The following PHKA2 variants were observed in gnomAD, a reference collection of about 807,000 sequenced individuals.
PHKA2 encodes phosphorylase kinase regulatory subunit alpha 2.
In PHKA2, 31 loss-of-function variants were observed where a neutral mutation model predicts 102.0. The ratio of observed to expected loss-of-function variants is 0.30; its 90% CI spans 0.23 to 0.41. The LOEUF (loss-of-function observed/expected upper bound fraction) is 0.41. PHKA2 is among the 10% of genes least tolerant of loss of function. The probability of loss-of-function intolerance (pLI) is 1.00; values close to 1 mark genes in which losing one functional copy is unlikely to be tolerated. For missense variants in PHKA2, 858 were observed against 1,023.1 expected (o/e 0.84, Z 2.20); for synonymous variants, 455 against 416.2 (o/e 1.09, Z -1.13).
intron 1 of PHKA2, among the ~76,000 whole-genome samples, chrX:18,960,600 G>A (rs1312946573): frequency 2.7e-5 from 3 of 111,699 alleles, no homozygotes; most frequent in Non-Finnish European, 5.6e-5. Context: ...GGCACCAAGG[G>A]GTGCTAAACC....
chrX:18,984,096 C>A lies in PHKA2; in HGVS notation c.-164G>T. ...TCGAGACTTTTCTAAACGCTAGCCC[C>A]AAAGTCCGGTTGGAAAGCAAGCCAA... is the stretch of plus-strand genomic sequence containing the variant. On this transcript the variant is annotated 5_prime_UTR_variant, in exon 1 of 33. Coordinates refer to ENST00000379942, the MANE Select transcript of PHKA2 (RefSeq NM_000292.3). The A allele has an allele frequency of 2.1e-6, 1 of 482,506 alleles. No homozygotes were observed. The highest frequency in any genetic ancestry group is 2.8e-5 in the South Asian group (1 of 35,115). The allele number at this position is 482,506 out of a possible 1,213,427, so 39.8% of individuals were successfully genotyped here.
intron 12 of PHKA2, among the ~76,000 whole-genome samples, chrX:18,930,363 T>C (rs770567607): frequency 4.0e-4 from 45 of 111,253 alleles, no homozygotes; most frequent in Admixed American, 1.3e-3. Context: ...TCTCTTTGAA[T>C]ATGCACCTCC....
chrX:18,983,743 A>G, intron 1 of PHKA2, 112 bp downstream of exon 1: 1 of 658,815 alleles, frequency 1.5e-6, no homozygotes. Context: ...AGATTCAAAT[A>G]GCAAACTCTT....
At chrX:18,925,580 C>G in intron 15 of PHKA2, 88 bp downstream of exon 15, 1 of 581,602 alleles carries the variant, frequency 1.7e-6, no homozygotes, top group Non-Finnish European at 3.1e-6. Flanking sequence ...CCTATGCATG[C>G]AGAATTCTGT....
Position 18,908,021 on chromosome X carries a change from T to G in PHKA2, c.2396A>C (p.His799Pro). 8.3e-7 allele frequency: 1 copy of G among 1,211,256 alleles called. No individual in the cohort carries two copies. Among genetic ancestry groups the G allele is most frequent in the Non-Finnish European group, 1.1e-6 (1 of 894,998 alleles). ...PSWDTNLSGQ[H>P]GVTVQNLLGE... ...AAGAAGGTTTTGAACGGTGACCCCG[T>G]GCTGTCCAGAGAGATTTGTGTCCCA... The change falls in exon 22 of 33, where the codon CAC becomes CCC. Residue 799 changes from histidine to proline, a missense_variant. Coordinates refer to ENST00000379942, the MANE Select transcript of PHKA2 (RefSeq NM_000292.3).
chrX:18,898,769 T>C (rs1280879818), intron 29 of PHKA2, among the ~76,000 whole-genome samples: 1 of 112,020 alleles, frequency 8.9e-6, no homozygotes, highest in Non-Finnish European at 1.9e-5. Flanking sequence ...TGCGGTGAGC[T>C]CAATCCGAGC....
intron 16 of PHKA2, 114 bp downstream of exon 16, chrX:18,924,267 T>A: frequency 1.0e-6 from 1 of 968,009 alleles, no homozygotes; most frequent in South Asian, 1.9e-5. Flanking sequence ...GAAACCAAAC[T>A]GCTAAGAAGC....
At chrX:18,974,369 C>T (rs1048042973) in intron 1 of PHKA2, among the ~76,000 whole-genome samples, 3 of 111,364 alleles carry the variant, frequency 2.7e-5, no homozygotes, top group Non-Finnish European at 5.6e-5. Context: ...CATAAACTGT[C>T]GGACATGGTC....
intron 30 of PHKA2, among the ~76,000 whole-genome samples, chrX:18,896,921 G>A (rs746921146): frequency 1.8e-5 from 2 of 111,851 alleles, no homozygotes; most frequent in East Asian, 2.8e-4. Context: ...GTTGTCACAC[G>A]GGGGTGGGGT....
At chrX:18,972,543 T>G (rs941551477) in intron 1 of PHKA2, among the ~76,000 whole-genome samples, 2 of 112,329 alleles carry the variant, frequency 1.8e-5, no homozygotes, top group Non-Finnish European at 3.8e-5. Flanking sequence ...TCCTCATATT[T>G]GTCTTCTTTT....
intron 19 of PHKA2, among the ~76,000 whole-genome samples, chrX:18,912,599 C>T (rs1601719247): frequency 9.7e-6 from 1 of 102,937 alleles, no homozygotes; most frequent in African/African-American, 3.6e-5. Context: ...AGACCTCATC[C>T]CTACTAAAAT....
rs187465950 is a variant in PHKA2 at position 18,972,475 on chromosome X, T to A, written c.78+11380A>T. Among the ~76,000 whole-genome samples the A allele has an allele frequency of 4.2e-4, 47 of 112,197 alleles. 1 individual carries two copies. Among genetic ancestry groups the A allele is most frequent in the South Asian group, 3.7e-4 (1 of 2,739 alleles). On this transcript the variant is annotated intron_variant, in intron 1 of 32. Transcript: ENST00000379942. ...AGTCTACCGAATTTATACATTAATT[T>A]GGGGAGAATATATCTTTACAACACT...
chrX:18,971,065 C>A lies in PHKA2; in HGVS notation c.78+12790G>T, dbSNP rs752974324. Among the ~76,000 whole-genome samples, 7 of 112,406 alleles carry A rather than the reference C, an allele frequency of 6.2e-5. No individual in the cohort carries two copies. The East Asian group carries it at 8.4e-4, about 13-fold the overall frequency. On this transcript the variant is annotated intron_variant, in intron 1 of 32. Coordinates refer to ENST00000379942, the MANE Select transcript of PHKA2 (RefSeq NM_000292.3). ...TGGTAGCCCAGGTATCTGGGTGAAC[C>A]GCCCAATGACCTGGACCCACAATGG... is the stretch of plus-strand genomic sequence containing the variant.
chrX:18,932,333 G>A (rs776619073), intron 11 of PHKA2, among the ~76,000 whole-genome samples: 7 of 111,683 alleles, frequency 6.3e-5, no homozygotes, highest in Non-Finnish European at 1.1e-4. Context: ...GGCTGGCTGC[G>A]CATTGTAAGC....
chrX:18,936,008 C>T lies in PHKA2; in HGVS notation c.1137+47G>A, dbSNP rs769804643. 4.6e-6 allele frequency: 4 copies of T among 861,522 alleles called. No homozygotes were observed. In the African/African-American group the frequency reaches 7.9e-5, roughly 17 times the overall value. 71.0% of individuals were successfully genotyped at this position (861,522 alleles called of 1,213,427 possible). On this transcript the variant is annotated intron_variant, in intron 11 of 32. Transcript: ENST00000379942. ...TACCAACAGGCCAAGCAATGAGTCACTTATTTCTAGATAAGCGGTGCAAAG... is the reference window on the plus strand; with the variant it reads ...TACCAACAGGCCAAGCAATGAGTCATTTATTTCTAGATAAGCGGTGCAAAG...
At chrX:18,913,371 T>G (rs1371635239) in intron 19 of PHKA2, among the ~76,000 whole-genome samples, 1 of 112,059 alleles carries the variant, frequency 8.9e-6, no homozygotes, top group Non-Finnish European at 1.9e-5. Flanking sequence ...AATAACAGCT[T>G]AAAACACAGA....
In PHKA2 at chrX:18,908,308, G is replaced by A. The variant is rs967375577; in HGVS notation, c.2361-252C>T. Among the ~76,000 whole-genome samples, 6 of 112,630 alleles carry A rather than the reference G, an allele frequency of 5.3e-5. No individual in the cohort carries two copies. In the East Asian group the frequency reaches 1.1e-3, roughly 21 times the overall value. On this transcript the variant is annotated intron_variant, in intron 21 of 32. Transcript: ENST00000379942. ...GCATCAGTAGGCAGAGAAGGGGATG[G>A]AAGTCTCATTCCTGGTGATCCTGGG...
intron 30 of PHKA2, chrX:18,895,673 C>CG (rs1468607958): frequency 1.6e-5 from 2 of 124,230 alleles, no homozygotes; most frequent in Non-Finnish European, 3.3e-5. Flanking sequence ...ATATAAATAT[C>CG]GAGTGCCAGC....
intron 1 of PHKA2, among the ~76,000 whole-genome samples, chrX:18,955,409 G>A (rs1277810097): frequency 1.0e-4 from 11 of 105,304 alleles, no homozygotes; most frequent in African/African-American, 3.2e-4. Flanking sequence ...GAAAATGCTC[G>A]AAAATTGATT....
Sources: gnomAD v4.1 joint callset for allele counts (sites outside exome capture counted in the v4.1 genomes callset) on GRCh38, gnomAD v4.1.1 for gene constraint, MANE v1.5 for transcripts, NCBI Gene and HGNC (gene_info 2026-07-23, HGNC 2026-07-21) for gene names.